PGPEP1: variants seen among roughly 807,000 people sequenced by gnomAD.
PGPEP1 encodes pyroglutamyl-peptidase 1.
Under a neutral mutation model 24.1 loss-of-function variants are expected in PGPEP1, and 15 were observed. The observed-to-expected ratio is 0.62, with a 90% CI of 0.42 to 0.96. PGPEP1 has a LOEUF of 0.96. PGPEP1 is among the 40% of genes least tolerant of loss of function. The probability of loss-of-function intolerance (pLI) is 0.00; values close to 1 mark genes in which losing one functional copy is unlikely to be tolerated. For missense variants in PGPEP1, 242 were observed against 273.4 expected, an observed-to-expected ratio of 0.89 and a Z score of 0.81; for synonymous variants, 122 against 116.4, an observed-to-expected ratio of 1.05 and a Z score of -0.31.
intron 2 of PGPEP1, among the ~76,000 whole-genome samples, chr19:18,346,220 A>G (rs767534226): frequency 2.4e-4 from 37 of 152,148 alleles, no homozygotes; most frequent in Non-Finnish European, 4.6e-4. Flanking sequence ...CACCTCTGCG[A>G]GAACCGCCCC....
rs1352036711 is a variant in PGPEP1 at position 18,367,183 on chromosome 19, G to A, written c.*3600G>A. 1 of 142,928 alleles carries A rather than the reference G, an allele frequency of 7.0e-6. No homozygotes were observed. The highest frequency in any genetic ancestry group is 2.9e-5 in the African/African-American group (1 of 33,968). The allele number at this position is 142,928 out of a possible 1,614,324, so 8.9% of individuals were successfully genotyped here. Reference sequence around the variant, plus strand: ...AAAAAAAAAAAAAAAAAATCCTCATGCAAGAAGGGAAGGACCAAGTCCCAT... The same window carrying A: ...AAAAAAAAAAAAAAAAAATCCTCATACAAGAAGGGAAGGACCAAGTCCCAT... On this transcript the variant is annotated 3_prime_UTR_variant, in exon 5 of 5. Transcript: ENST00000269919.
rs561735501 is a variant in PGPEP1 at position 18,351,565 on chromosome 19, G to C, written c.88-4330G>C. Among the ~76,000 whole-genome samples the C allele has an allele frequency of 2.8e-5, 4 of 144,180 alleles. No homozygotes were observed. In the East Asian group the frequency reaches 8.2e-4, roughly 30 times the overall value. 94.6% of individuals were successfully genotyped at this position (144,180 alleles called of 152,430 possible). ...CTTGAACCCAGGAGGTGGAGGTTGC[G>C]ATGAGCCGAAATCCCGCCATTGCAC... is the stretch of plus-strand genomic sequence containing the variant. On this transcript the variant is annotated intron_variant, in intron 2 of 4. Transcript: ENST00000269919.
At chr19:18,352,707 C>A (rs963820602) in intron 2 of PGPEP1, among the ~76,000 whole-genome samples, 1 of 151,668 alleles carries the variant, frequency 6.6e-6, no homozygotes, top group Non-Finnish European at 1.5e-5. Flanking sequence ...AGGTGCGCAC[C>A]ATCACGCCCA....
chr19:18,363,372 G>A lies in PGPEP1; in HGVS notation c.438-19G>A, dbSNP rs187946500. The A allele has an allele frequency of 4.5e-5, 71 of 1,593,954 alleles. No homozygotes were observed. In the East Asian group the frequency reaches 1.3e-3, roughly 29 times the overall value. Reference sequence around the variant, plus strand: ...CCCCGTTTTGGTCTCTCTCTTACCCGCCACGCCCTGCGGCTTAGATATCTC... The same window carrying A: ...CCCCGTTTTGGTCTCTCTCTTACCCACCACGCCCTGCGGCTTAGATATCTC... On this transcript the variant is annotated intron_variant, in intron 4 of 4. Transcript: ENST00000269919.
intron 2 of PGPEP1, among the ~76,000 whole-genome samples, chr19:18,348,376 G>A (rs1970920995): frequency 6.6e-6 from 1 of 152,204 alleles, no homozygotes; most frequent in African/African-American, 2.4e-5. Flanking sequence ...TTGTCGTGGG[G>A]TCAGGGGAAT....
intron 2 of PGPEP1, among the ~76,000 whole-genome samples, chr19:18,347,546 G>C (rs760538824): frequency 1.3e-5 from 2 of 148,962 alleles, no homozygotes; most frequent in Non-Finnish European, 3.0e-5. Context: ...CTGTCTCCTT[G>C]TTTCTTTCTC....
chr19:18,357,360 G>C (rs1173237342), intron 3 of PGPEP1, 23 bp from the exon 4 acceptor site: 2 of 1,598,140 alleles, frequency 1.3e-6, no homozygotes, highest in Admixed American at 3.4e-5. Context: ...GCCATGTTAA[G>C]TCCTGCCCCT....
chr19:18,352,783 T>C (rs1971075467), intron 2 of PGPEP1, among the ~76,000 whole-genome samples: 2 of 152,212 alleles, frequency 1.3e-5, no homozygotes, highest in African/African-American at 4.8e-5. Flanking sequence ...CTCGAACTCC[T>C]GACCTCAGGT....
chr19:18,356,249 A>G (rs1971183197), intron 3 of PGPEP1, among the ~76,000 whole-genome samples: 1 of 151,820 alleles, frequency 6.6e-6, no homozygotes. Context: ...CCTGGGCAAC[A>G]TGGCAAAACC....
In PGPEP1 at chr19:18,342,892, C is replaced by T; in HGVS notation, c.68C>T (p.Ala23Val). 3 of 1,613,762 alleles carry T rather than the reference C, an allele frequency of 1.9e-6. No homozygotes were observed. Among genetic ancestry groups the T allele is most frequent in the Non-Finnish European group, 2.5e-6 (3 of 1,179,680 alleles). Reference protein sequence around the residue: ...FGPFGEHTVNASWIAVQELEK... With the variant: ...FGPFGEHTVNVSWIAVQELEK... ...CCTTTTGGGGAACACACCGTGAACG[C>T]CAGTTGGATTGCAGTTCAGGTAACT... Residue 23 changes from alanine to valine, a missense_variant, in exon 2 of 5, where the codon GCC becomes GTC. Coordinates refer to ENST00000269919, the MANE Select transcript of PGPEP1 (RefSeq NM_017712.4).
At chr19:18,348,006 C>G (rs1970904928) in intron 2 of PGPEP1, among the ~76,000 whole-genome samples, 1 of 152,100 alleles carries the variant, frequency 6.6e-6, no homozygotes, top group Non-Finnish European at 1.5e-5. Context: ...GGAACTGTTT[C>G]CCACCCGCAG....
At position 18,365,388 on chromosome 19, in the gene PGPEP1, G is replaced by T. The variant is rs553748620; in HGVS notation, c.*1805G>T. 1.2e-4 allele frequency: 19 copies of T among 152,336 alleles called. No homozygotes were observed. Among genetic ancestry groups the T allele is most frequent in the African/African-American group, 4.6e-4 (19 of 41,512 alleles). 9.4% of individuals were successfully genotyped at this position (152,336 alleles called of 1,614,324 possible). On this transcript the variant is annotated 3_prime_UTR_variant, in exon 5 of 5. Transcript: ENST00000269919. The stretch of plus-strand genomic sequence containing the variant: ...GATAGGGTCTTGTTCTGTTGACCAG[G>T]CTGGAGTACAGTAGTGTGATCATGG...
intron 4 of PGPEP1, among the ~76,000 whole-genome samples, chr19:18,359,507 T>C (rs1291214884): frequency 8.8e-6 from 1 of 113,910 alleles, no homozygotes; most frequent in African/African-American, 3.2e-5. Context: ...CTCTTTCCAG[T>C]CTTTTTTTTT....
intron 2 of PGPEP1, among the ~76,000 whole-genome samples, chr19:18,348,220 G>C (rs1970915594): frequency 6.6e-6 from 1 of 152,086 alleles, no homozygotes; most frequent in East Asian, 1.9e-4. Flanking sequence ...GGGAGCTCCG[G>C]GGCTCGGGGC....
At chr19:18,346,612 T>G (rs946779125) in intron 2 of PGPEP1, among the ~76,000 whole-genome samples, 2 of 149,950 alleles carry the variant, frequency 1.3e-5, no homozygotes. Flanking sequence ...ACCTTCTCTA[T>G]CTGTGTGTGT....
chr19:18,354,272 G>C (rs2144558218), intron 2 of PGPEP1, among the ~76,000 whole-genome samples: 1 of 151,802 alleles, frequency 6.6e-6, no homozygotes, highest in Admixed American at 6.6e-5. Context: ...GAGGCAGGTA[G>C]ATCACGAGGT....
At chr19:18,356,053 C>T (rs1335537681) in intron 3 of PGPEP1, 42 bp downstream of exon 3, 5 of 1,223,700 alleles carry the variant, frequency 4.1e-6, no homozygotes, top group African/African-American at 1.5e-5. Context: ...TCAGGACTTA[C>T]AGGTTGGCAC....
At chr19:18,346,655 T>TTTTG (rs1300988161) in intron 2 of PGPEP1, among the ~76,000 whole-genome samples, 32 of 139,212 alleles carry the variant, frequency 2.3e-4, no homozygotes, top group African/African-American at 7.7e-4. Context: ...TTTTTTTTTT[T>TTTTG]TTGAGACAGA....
chr19:18,363,719 ACCT>A lies in PGPEP1; in HGVS notation c.*141_*143del. ...CTGGAAGAGAGATTCTGATCTGCCC[ACCT>A]CCTCTTCCTCCTTCTCTACAAAAGC... On this transcript the variant is annotated 3_prime_UTR_variant, in exon 5 of 5. Coordinates refer to ENST00000269919, the MANE Select transcript of PGPEP1 (RefSeq NM_017712.4). The A allele has an allele frequency of 1.7e-6, 1 of 587,434 alleles. No homozygotes were observed. Among genetic ancestry groups the A allele is most frequent in the Non-Finnish European group, 2.9e-6 (1 of 343,794 alleles). The allele number at this position is 587,434 out of a possible 1,614,324, so 36.4% of individuals were successfully genotyped here.
Sources: gnomAD v4.1 joint callset for allele counts (sites outside exome capture counted in the v4.1 genomes callset) on GRCh38, gnomAD v4.1.1 for gene constraint, MANE v1.5 for transcripts, NCBI Gene and HGNC (gene_info 2026-07-23, HGNC 2026-07-21) for gene names.